DEPDC1B: variants seen among roughly 807,000 people sequenced by gnomAD.
The protein encoded by DEPDC1B is DEP domain containing 1B, also known as DEP domain-containing protein 1B.
In DEPDC1B, 51 loss-of-function variants were observed where a neutral mutation model predicts 66.5. The ratio of observed to expected loss-of-function variants is 0.77; its 90% confidence interval spans 0.61 to 0.97. DEPDC1B has a LOEUF of 0.97. Ranked by LOEUF, DEPDC1B falls within the 50% of genes least tolerant of loss-of-function variation. The pLI is 0.00. For missense variants in DEPDC1B, 552 were observed against 637.1 expected (o/e 0.87, Z 1.44); for synonymous variants, 226 against 223.6 (o/e 1.01, Z -0.10).
chr5:60,619,528 T>A (rs1752650982), intron 7 of DEPDC1B, among the ~76,000 whole-genome samples: 1 of 152,110 alleles, frequency 6.6e-6, no homozygotes, highest in African/African-American at 2.4e-5. Flanking sequence ...ACGAGTGAAC[T>A]CCCATTCACA....
At chr5:60,674,209 G>A (rs1754107510) in intron 2 of DEPDC1B, among the ~76,000 whole-genome samples, 1 of 152,008 alleles carries the variant, frequency 6.6e-6, no homozygotes, top group Non-Finnish European at 1.5e-5. Context: ...GAAATCAGCA[G>A]GAACTATGAC....
intron 7 of DEPDC1B, among the ~76,000 whole-genome samples, chr5:60,632,885 TGAA>T (rs1684553409): frequency 6.6e-6 from 1 of 152,150 alleles, no homozygotes; most frequent in African/African-American, 2.4e-5. Context: ...CTTCTGGAAG[TGAA>T]GAGAAGTCAG....
At chr5:60,605,624 C>T (rs1412825781) in intron 8 of DEPDC1B, 66 bp downstream of exon 8, 7 of 1,548,214 alleles carry the variant, frequency 4.5e-6, no homozygotes, top group Admixed American at 1.9e-5. Context: ...ATCACCCAAA[C>T]TAATACACCT....
At chr5:60,647,678 T>G (rs1218735712) in intron 2 of DEPDC1B, 145 bp from the exon 3 acceptor site, 4 of 780,132 alleles carry the variant, frequency 5.1e-6, no homozygotes, top group Non-Finnish European at 5.7e-6. Flanking sequence ...TTTAATTTTT[T>G]AAACTGCTCT....
At chr5:60,680,449 A>C (rs1488531138) in intron 2 of DEPDC1B, among the ~76,000 whole-genome samples, 1 of 152,234 alleles carries the variant, frequency 6.6e-6, no homozygotes, top group African/African-American at 2.4e-5. Context: ...ATGCATTCAC[A>C]GAACAAATAT....
intron 7 of DEPDC1B, among the ~76,000 whole-genome samples, chr5:60,610,944 C>T (rs1005592327): frequency 3.3e-5 from 5 of 152,060 alleles, no homozygotes; most frequent in Admixed American, 6.6e-5. Flanking sequence ...TATAGATTAC[C>T]GAAGTCTTTA....
intron 4 of DEPDC1B, among the ~76,000 whole-genome samples, chr5:60,645,154 T>C (rs921640265): frequency 6.6e-6 from 1 of 152,210 alleles, no homozygotes; most frequent in Non-Finnish European, 1.5e-5. Context: ...ACTTATCCAA[T>C]GATAAGAAAC....
At chr5:60,651,152 G>C (rs1227480090) in intron 2 of DEPDC1B, among the ~76,000 whole-genome samples, 3 of 152,170 alleles carry the variant, frequency 2.0e-5, no homozygotes, top group Non-Finnish European at 4.4e-5. Flanking sequence ...AATATTCCTG[G>C]AGGTGGATTC....
At chr5:60,665,652 C>T (rs768944144) in intron 2 of DEPDC1B, among the ~76,000 whole-genome samples, 5 of 152,136 alleles carry the variant, frequency 3.3e-5, no homozygotes, top group Admixed American at 1.3e-4. Context: ...GAGTGGTAGT[C>T]GGCCAACCTC....
At chr5:60,649,165 T>A (rs1005364605) in intron 2 of DEPDC1B, among the ~76,000 whole-genome samples, 1 of 152,220 alleles carries the variant, frequency 6.6e-6, no homozygotes. Flanking sequence ...ACTCTCTATG[T>A]GTCTTTTGGA....
intron 7 of DEPDC1B, among the ~76,000 whole-genome samples, chr5:60,635,177 C>G (rs1017516490): frequency 6.6e-6 from 1 of 151,710 alleles, no homozygotes; most frequent in Non-Finnish European, 1.5e-5. Context: ...GTCAAGCACA[C>G]AAACTAGGCA....
At chr5:60,668,642 C>T (rs1314807434) in intron 2 of DEPDC1B, among the ~76,000 whole-genome samples, 1 of 152,048 alleles carries the variant, frequency 6.6e-6, no homozygotes, top group Non-Finnish European at 1.5e-5. Flanking sequence ...AGGCAAAACA[C>T]ATGAACCAGG....
intron 8 of DEPDC1B, among the ~76,000 whole-genome samples, chr5:60,604,181 C>G (rs1584020213): frequency 7.4e-6 from 1 of 135,122 alleles, no homozygotes; most frequent in Non-Finnish European, 1.6e-5. Context: ...ATTATAGCAT[C>G]AATGTAATAA....
intron 7 of DEPDC1B, among the ~76,000 whole-genome samples, chr5:60,637,605 C>A (rs1401754801): frequency 6.6e-6 from 1 of 152,160 alleles, no homozygotes; most frequent in Non-Finnish European, 1.5e-5. Flanking sequence ...GCATACTAAG[C>A]AACAGCAAAT....
At chr5:60,667,968 ATT>A (rs1300303788) in intron 2 of DEPDC1B, among the ~76,000 whole-genome samples, 3 of 124,360 alleles carry the variant, frequency 2.4e-5, no homozygotes, top group South Asian at 2.6e-4. Context: ...TATAATGGAT[ATT>A]TTATATATAT....
intron 2 of DEPDC1B, among the ~76,000 whole-genome samples, chr5:60,654,101 T>C (rs1753522139): frequency 6.7e-6 from 1 of 149,264 alleles, no homozygotes; most frequent in African/African-American, 2.5e-5. Context: ...CTTTTTTGGT[T>C]ACACATAAAT....
intron 7 of DEPDC1B, among the ~76,000 whole-genome samples, chr5:60,629,303 T>C (rs1201145936): frequency 1.3e-5 from 2 of 152,226 alleles, no homozygotes; most frequent in East Asian, 3.8e-4. Flanking sequence ...TGTCAAGAAA[T>C]GTAGGATTTC....
rs560943546 is a variant in DEPDC1B at position 60,617,388 on chromosome 5, A to G, written c.899-11532T>C. Among the ~76,000 whole-genome samples, 4 of 152,278 alleles carry G rather than the reference A, an allele frequency of 2.6e-5. No individual in the cohort carries two copies. In the East Asian group the frequency reaches 7.7e-4, roughly 29 times the overall value. On this transcript the variant is annotated intron_variant, in intron 7 of 10. Coordinates refer to ENST00000265036, the MANE Select transcript of DEPDC1B (RefSeq NM_018369.3). ...ACTCATCAGTGTGCTGTATTCAGGAAACCCATCTCACATGCAGAGACACAC... is the reference window on the plus strand; with the variant it reads ...ACTCATCAGTGTGCTGTATTCAGGAGACCCATCTCACATGCAGAGACACAC...
At chr5:60,694,816 T>C (rs905158194) in intron 1 of DEPDC1B, among the ~76,000 whole-genome samples, 2 of 152,236 alleles carry the variant, frequency 1.3e-5, no homozygotes, top group African/African-American at 4.8e-5. Context: ...GCCTGACATA[T>C]AGTATACCCA....
Sources: gnomAD v4.1 joint callset for allele counts (sites outside exome capture counted in the v4.1 genomes callset) on GRCh38, gnomAD v4.1.1 for gene constraint, MANE v1.5 for transcripts, NCBI Gene and HGNC (gene_info 2026-07-23, HGNC 2026-07-21) for gene names.